CELF2: variants seen among roughly 807,000 people sequenced by gnomAD.
CELF2 encodes CUG triplet repeat RNA-binding protein 2.
CELF2 carries 8 observed loss-of-function variants against 62.6 expected under a neutral mutation model. The observed-to-expected ratio is 0.13, with a 90% CI of 0.07 to 0.23. The LOEUF is 0.23. CELF2 is among the 10% of genes least tolerant of loss of function. CELF2 has a pLI of 1.00. For missense variants in CELF2, 333 were observed against 671.0 expected, an observed-to-expected ratio of 0.50 and a Z score of 5.56; for synonymous variants, 258 against 250.0, an observed-to-expected ratio of 1.03 and a Z score of -0.30.
chr10:10,779,858 T>TAA, the CELF2 span, among the ~76,000 whole-genome samples: 11 of 144,700 alleles, frequency 7.6e-5, no homozygotes, highest in African/African-American at 2.5e-4. Flanking sequence ...TGAAAGCTAT[T>TAA]AAAAAAAAAA....
At chr10:11,055,357 A>T (rs2064990276) in intron 1 of CELF2, among the ~76,000 whole-genome samples, 1 of 152,226 alleles carries the variant, frequency 6.6e-6, no homozygotes, top group South Asian at 2.1e-4. Context: ...TCTGCATTTC[A>T]TGAACAGGAT....
chr10:10,613,551 T>A, the CELF2 span, among the ~76,000 whole-genome samples: 1 of 152,216 alleles, frequency 6.6e-6, no homozygotes, highest in East Asian at 1.9e-4. Flanking sequence ...TGTGAAATGA[T>A]ATAGTAGTTT....
At chr10:10,904,953 G>A (rs149973125) in intron 1 of CELF2, among the ~76,000 whole-genome samples, 48 of 152,218 alleles carry the variant, frequency 3.2e-4, no homozygotes, top group Middle Eastern at 6.8e-3. Flanking sequence ...TTTAGATAAG[G>A]ATCCACCCAG....
the CELF2 span, among the ~76,000 whole-genome samples, chr10:10,788,009 GATTAGA>G: frequency 6.6e-6 from 1 of 152,210 alleles, no homozygotes; most frequent in African/African-American, 2.4e-5. Flanking sequence ...TCTACCACTA[GATTAGA>G]AAATTGCTTA....
chr10:11,308,332 C>T (rs2094375923), intron 9 of CELF2, among the ~76,000 whole-genome samples: 1 of 152,152 alleles, frequency 6.6e-6, no homozygotes, highest in African/African-American at 2.4e-5. Context: ...CAGCCATTAT[C>T]TCTTGAAATT....
chr10:10,763,523 C>T, the CELF2 span, among the ~76,000 whole-genome samples: 11 of 152,162 alleles, frequency 7.2e-5, no homozygotes, highest in East Asian at 5.8e-4. Context: ...CTGTACCTTC[C>T]GCAGAGCTGC....
intron 1 of CELF2, among the ~76,000 whole-genome samples, chr10:10,801,040 T>C (rs1183626006): frequency 6.6e-6 from 1 of 151,646 alleles, no homozygotes; most frequent in Non-Finnish European, 1.5e-5. Context: ...CCCAAAGGCA[T>C]TTTTAGATAA....
At chr10:10,752,345 G>A in the CELF2 span, among the ~76,000 whole-genome samples, 1 of 152,312 alleles carries the variant, frequency 6.6e-6, no homozygotes, top group South Asian at 2.1e-4. Context: ...GCTGGCTCTA[G>A]AAATATGACA....
At chr10:10,773,658 C>A in the CELF2 span, among the ~76,000 whole-genome samples, 22 of 152,316 alleles carry the variant, frequency 1.4e-4, no homozygotes, top group Middle Eastern at 3.4e-3. Flanking sequence ...ACCTGCAGGA[C>A]TTTTCTAAAA....
rs906195648 is a variant in CELF2 at position 11,267,480 on chromosome 10, T to G, written c.618+803T>G. Among the ~76,000 whole-genome samples the G allele has an allele frequency of 6.6e-6, 1 of 152,232 alleles. No homozygotes were observed. Among genetic ancestry groups the G allele is most frequent in the Non-Finnish European group, 1.5e-5 (1 of 68,040 alleles). The stretch of plus-strand genomic sequence containing the variant: ...TTCTGTATTGTCTGATAGAATCATT[T>G]GGGAGTGCATGTTCTGCTGTATTAT... On this transcript the variant is annotated intron_variant, in intron 6 of 12. Coordinates refer to ENST00000633077, the MANE Select transcript of CELF2 (RefSeq NM_001326342.2). This position sits in a 1 kb window ranked among gnomAD's most constrained non-coding sequence, Gnocchi z 4.4.
At chr10:11,181,720 T>C (rs796087078) in intron 2 of CELF2, among the ~76,000 whole-genome samples, 1 of 152,252 alleles carries the variant, frequency 6.6e-6, no homozygotes, top group Admixed American at 6.5e-5. Context: ...TCTCTAACTC[T>C]AAGTGTCTTG....
At chr10:10,629,861 C>CAAAAAAAAAAA in the CELF2 span, among the ~76,000 whole-genome samples, 2 of 12,342 alleles carry the variant, frequency 1.6e-4, 1 homozygote, top group African/African-American at 6.7e-4. Context: ...GGCTGAAGAC[C>CAAAAAAAAAAA]AAAAAAAAAA....
chr10:10,910,731 A>T (rs1056291493), intron 1 of CELF2, among the ~76,000 whole-genome samples: 1 of 151,690 alleles, frequency 6.6e-6, no homozygotes, highest in African/African-American at 2.4e-5. Flanking sequence ...AAAAGAAAAG[A>T]AAAAGAAACA....
At chr10:10,916,803 G>A (rs1250338840) in intron 1 of CELF2, among the ~76,000 whole-genome samples, 1 of 151,972 alleles carries the variant, frequency 6.6e-6, no homozygotes, top group African/African-American at 2.4e-5. Flanking sequence ...AGTACAGATG[G>A]GGTTTTACCA....
At position 11,329,356 on chromosome 10, in the gene CELF2, C is replaced by CT. The variant is rs991502728; in HGVS notation, c.*311dup. 1,514 of 182,318 alleles carry CT rather than the reference C, an allele frequency of 8.3e-3. 19 individuals are homozygous for CT. The highest frequency in any genetic ancestry group is 0.03 in the African/African-American group (1,259 of 42,438). The allele number at this position is 182,318 out of a possible 1,614,324, so 11.3% of individuals were successfully genotyped here. ...TTTTTTTTAATTTTTTTCATTTTTGCTTTTTTTTAAAGAGAAGCATATACA... is the reference window on the plus strand; with the variant it reads ...TTTTTTTTAATTTTTTTCATTTTTGCTTTTTTTTTAAAGAGAAGCATATACA... On this transcript the variant is annotated 3_prime_UTR_variant, in exon 13 of 13. Transcript: ENST00000633077. This position sits in a 1 kb window ranked among gnomAD's most constrained non-coding sequence, Gnocchi z 5.5.
At chr10:10,961,065 A>G (rs1273795203) in intron 2 of CELF2, among the ~76,000 whole-genome samples, 3 of 152,200 alleles carry the variant, frequency 2.0e-5, no homozygotes, top group Non-Finnish European at 4.4e-5. Flanking sequence ...TTGAATTCCA[A>G]TACGGACTTC....
At chr10:10,892,374 C>T (rs2062207770) in intron 1 of CELF2, among the ~76,000 whole-genome samples, 1 of 152,118 alleles carries the variant, frequency 6.6e-6, no homozygotes, top group South Asian at 2.1e-4. Flanking sequence ...ACCTCATTCC[C>T]CAGAGCTCCT....
chr10:10,877,691 A>G (rs1200545507), intron 1 of CELF2, among the ~76,000 whole-genome samples: 1 of 152,248 alleles, frequency 6.6e-6, no homozygotes, highest in Non-Finnish European at 1.5e-5. Flanking sequence ...TGAAATTTAG[A>G]GAAAGAGAAT....
chr10:11,104,771 T>C (rs2052900455), intron 1 of CELF2, among the ~76,000 whole-genome samples: 1 of 152,258 alleles, frequency 6.6e-6, no homozygotes, highest in African/African-American at 2.4e-5. Context: ...ATACAATTCA[T>C]TTTCTAATAA....
Sources: gnomAD v4.1 joint callset for allele counts (sites outside exome capture counted in the v4.1 genomes callset) on GRCh38, gnomAD v4.1.1 for gene constraint, Gnocchi (gnomAD v3.1) non-coding constraint, MANE v1.5 for transcripts, NCBI Gene and HGNC (gene_info 2026-07-23, HGNC 2026-07-21) for gene names.